Variants in PRR3 observed in about 807,000 individuals in gnomAD.
PRR3 encodes proline rich 3.
PRR3 carries 16 observed loss-of-function variants against 22.4 expected under a neutral mutation model. That is an observed-to-expected ratio of 0.71 (90% CI 0.48 to 1.09). The LOEUF is 1.09. Among genes scored for constraint, PRR3 ranks in the 50% least tolerant of loss-of-function variants. The probability of loss-of-function intolerance (pLI) is 0.00; values close to 1 mark genes in which losing one functional copy is unlikely to be tolerated. For missense variants in PRR3, 224 were observed against 243.4 expected (o/e 0.92, Z 0.53); for synonymous variants, 87 against 88.6 (o/e 0.98, Z 0.10).
At chr6:30,560,359 T>C (rs1366405287) in intron 2 of PRR3, 1 of 150,696 alleles carries the variant, frequency 6.6e-6, no homozygotes, top group Non-Finnish European at 1.5e-5. Flanking sequence ...AGCAAGATTG[T>C]CAAAACAAAA....
At position 30,563,333 on chromosome 6, in the gene PRR3, A is replaced by C. The variant is rs933152113; in HGVS notation, c.*838A>C. 1 of 152,636 alleles carries C rather than the reference A, an allele frequency of 6.6e-6. No individual in the cohort carries two copies. Among genetic ancestry groups the C allele is most frequent in the Admixed American group, 6.5e-5 (1 of 15,286 alleles). 9.5% of individuals were successfully genotyped at this position (152,636 alleles called of 1,614,324 possible). A position where few individuals can be genotyped will look rare whatever the true frequency, so the allele number is the denominator to read the frequency against. On this transcript the variant is annotated 3_prime_UTR_variant, in exon 4 of 4. Coordinates refer to ENST00000376560, the MANE Select transcript of PRR3 (RefSeq NM_025263.4). Reference sequence around the variant, plus strand: ...GTTATTCTGAGTCTGACACAGACCCATGACATGTCTTATAAAGCCTCCAAT... The same window carrying C: ...GTTATTCTGAGTCTGACACAGACCCCTGACATGTCTTATAAAGCCTCCAAT...
intron 1 of PRR3, among the ~76,000 whole-genome samples, chr6:30,557,651 C>T (rs1303802076): frequency 2.0e-5 from 3 of 152,234 alleles, no homozygotes; most frequent in Non-Finnish European, 4.4e-5. Flanking sequence ...AATACGGCCC[C>T]AGACCTTTCT....
At chr6:30,556,955 T>C, upstream of PRR3, 2 of 629,412 alleles carry the variant, frequency 3.2e-6, no homozygotes, top group East Asian at 2.7e-5. This position sits in a 1 kb window ranked among gnomAD's most constrained non-coding sequence, Gnocchi z 5.7. Flanking sequence ...GCTGTTACCA[T>C]AGTAACCGAG....
At chr6:30,558,326 G>T (rs748759877) in intron 2 of PRR3, 114 bp downstream of exon 2, 10 of 806,930 alleles carry the variant, frequency 1.2e-5, no homozygotes, top group African/African-American at 3.4e-5. Context: ...ATCCCTAAAT[G>T]AATGGAGAGA....
chr6:30,562,696 T>G lies in PRR3; in HGVS notation c.*201T>G. 1 of 519,524 alleles carries G rather than the reference T, an allele frequency of 1.9e-6. No individual in the cohort carries two copies. The allele number at this position is 519,524 out of a possible 1,614,324, so 32.2% of individuals were successfully genotyped here. ...GCGCGGCATACGCGCTTTCTTCTGA[T>G]CCAGCCTGTAGAGACTCGCCTTTGG... On this transcript the variant is annotated 3_prime_UTR_variant, in exon 4 of 4. Coordinates refer to ENST00000376560, the MANE Select transcript of PRR3 (RefSeq NM_025263.4).
chr6:30,557,525 G>A (rs1800335231), intron 1 of PRR3, 75 bp downstream of exon 1: 2 of 1,034,154 alleles, frequency 1.9e-6, no homozygotes, highest in African/African-American at 1.6e-5. Flanking sequence ...AATAAGGTGC[G>A]AAGGAGGGGG....
intron 2 of PRR3, chr6:30,558,515 G>T (rs942413092): frequency 5.0e-6 from 2 of 397,284 alleles, no homozygotes; most frequent in African/African-American, 4.0e-5. Context: ...TGAAGTGGGA[G>T]GGCTTACTAT....
chr6:30,559,789 T>A (rs1353166218), intron 2 of PRR3, among the ~76,000 whole-genome samples: 1 of 151,166 alleles, frequency 6.6e-6, no homozygotes, highest in Non-Finnish European at 1.5e-5. Flanking sequence ...ACCCCAGAAC[T>A]CCTGCTTCCA....
At chr6:30,562,162 G>A (rs1326390234) in intron 3 of PRR3, 38 bp downstream of exon 3, 9 of 1,520,726 alleles carry the variant, frequency 5.9e-6, no homozygotes, top group South Asian at 1.3e-5. Context: ...CTCCCAGAGT[G>A]ACCTAATTTT....
At chr6:30,557,056 C>G, upstream of PRR3, 2 of 701,546 alleles carry the variant, frequency 2.9e-6, no homozygotes, top group Non-Finnish European at 5.2e-6. Context: ...CTCTGAGGAG[C>G]TGGTTGTGGT....
upstream of PRR3, chr6:30,557,085 A>G: frequency 1.4e-6 from 1 of 702,376 alleles, no homozygotes; most frequent in Non-Finnish European, 2.6e-6. Context: ...GCGAGGGAAG[A>G]AAAGAGTAAT....
chr6:30,557,200 A>C (rs1411054376), upstream of PRR3: 1 of 738,286 alleles, frequency 1.4e-6, no homozygotes, highest in African/African-American at 1.7e-5. Flanking sequence ...CGGCCGCCGC[A>C]GATGTTCTCC....
At position 30,561,042 on chromosome 6, in the gene PRR3, T is replaced by C. The variant is rs967221669; in HGVS notation, c.170-792T>C. ...AAGACCCAATCTCTCATTAAATAAA[T>C]AATAATAACCAAACAAAAAAATAAC... is the stretch of plus-strand genomic sequence containing the variant. On this transcript the variant is annotated intron_variant, in intron 2 of 3. Transcript: ENST00000376560. This position sits in a 1 kb window ranked among gnomAD's most constrained non-coding sequence, Gnocchi z 4.0. 4.4e-6 allele frequency: 1 copy of C among 226,118 alleles called. No homozygotes were observed. The highest frequency in any genetic ancestry group is 2.4e-5 in the African/African-American group (1 of 41,936). 14.0% of individuals were successfully genotyped at this position (226,118 alleles called of 1,614,324 possible).
At chr6:30,558,597 C>T (rs1046806901) in intron 2 of PRR3, among the ~76,000 whole-genome samples, 14 of 151,932 alleles carry the variant, frequency 9.2e-5, no homozygotes, top group African/African-American at 2.9e-4. Flanking sequence ...GGCTGAGGTG[C>T]GAGGATCCTT....
chr6:30,556,998 C>T, upstream of PRR3: 1 of 668,452 alleles, frequency 1.5e-6, no homozygotes, highest in East Asian at 2.7e-5. The surrounding 1 kb of genome is among the most constrained non-coding windows in gnomAD (Gnocchi z 5.7). Context: ...GTGCGACAGT[C>T]CTCTTCTCAG....
intron 2 of PRR3, chr6:30,558,522 C>CTA (rs2127387768): frequency 5.3e-6 from 2 of 376,466 alleles, no homozygotes; most frequent in East Asian, 9.1e-5. Context: ...GGAGGGCTTA[C>CTA]TATGAATATC....
chr6:30,562,029 G>A lies in PRR3; in HGVS notation c.365G>A (p.Ser122Asn). 4 of 1,613,002 alleles carry A rather than the reference G, an allele frequency of 2.5e-6. No individual in the cohort carries two copies. The highest frequency in any genetic ancestry group is 1.7e-5 in the Admixed American group (1 of 60,016). The change falls in exon 3 of 4, where the codon AGC (serine) becomes AAC (asparagine). Residue 122 changes from serine (S) to asparagine (N), a missense_variant. By Grantham distance (46) the Ser-to-Asn change is conservative. Transcript: ENST00000376560. ...GPGHGGPTRG[S>N]FHKEQRNPRR... ...GGCCATGGGGGTCCCACCAGGGGAAGCTTTCACAAGGAACAGAGAAACCCT... is the reference window on the plus strand; with the variant it reads ...GGCCATGGGGGTCCCACCAGGGGAAACTTTCACAAGGAACAGAGAAACCCT...
Position 30,561,713 on chromosome 6 carries a change from A to T in PRR3, c.170-121A>T. 2 of 875,970 alleles carry T rather than the reference A, an allele frequency of 2.3e-6. No individual in the cohort carries two copies. The highest frequency in any genetic ancestry group is 3.4e-6 in the Non-Finnish European group (2 of 589,828). 54.3% of individuals were successfully genotyped at this position (875,970 alleles called of 1,614,324 possible). On this transcript the variant is annotated intron_variant, in intron 2 of 3. Transcript: ENST00000376560. The surrounding 1 kb of genome is among the most constrained non-coding windows in gnomAD (Gnocchi z 4.0). ...TTTGTGAGAACTGGGTTGTGCACTT[A>T]AAACTGGTGTGTCTTTATGTATGCT...
upstream of PRR3, chr6:30,557,206 T>C: frequency 1.3e-6 from 1 of 754,726 alleles, no homozygotes; most frequent in Non-Finnish European, 2.3e-6. Context: ...CCGCAGATGT[T>C]CTCCGCAACC....
Sources: gnomAD v4.1 joint callset for allele counts (sites outside exome capture counted in the v4.1 genomes callset) on GRCh38, gnomAD v4.1.1 for gene constraint, Gnocchi (gnomAD v3.1) non-coding constraint, MANE v1.5 for transcripts, NCBI Gene and HGNC (gene_info 2026-07-23, HGNC 2026-07-21) for gene names.